Variants in SLC30A8 observed in about 807,000 individuals in gnomAD.
SLC30A8 encodes the protein proton-coupled zinc antiporter SLC30A8.
A neutral mutation model predicts 36.9 loss-of-function variants in SLC30A8; 27 were observed. That is an observed-to-expected ratio of 0.73 (90% CI 0.54 to 1.01). SLC30A8 has a LOEUF of 1.01. Among genes scored for constraint, SLC30A8 ranks in the 50% least tolerant of loss-of-function variants. The pLI is 0.00. For synonymous variants in SLC30A8, 164 were observed against 172.4 expected (o/e 0.95, Z 0.38); for missense variants, 439 against 452.0 (o/e 0.97, Z 0.26).
chr8:117,006,126 GC>G (rs1247176556), intron 1 of SLC30A8, among the ~76,000 whole-genome samples: 1 of 152,214 alleles, frequency 6.6e-6, no homozygotes, highest in African/African-American at 2.4e-5. Flanking sequence ...CTCCACTTAA[GC>G]TACCTTATAT....
chr8:116,976,826 T>TCTTTTCTTTTCTTTTCTTTTC (rs200479091), intron 1 of SLC30A8, among the ~76,000 whole-genome samples: 30 of 142,024 alleles, frequency 2.1e-4, no homozygotes, highest in African/African-American at 8.3e-4. Context: ...TTCTTTCTTT[T>TCTTTTCTTTTCTTTTCTTTTC]TTTTTTTTTT....
At chr8:117,144,583 ATTAG>A (rs555633990) in intron 1 of SLC30A8, among the ~76,000 whole-genome samples, 179 of 152,334 alleles carry the variant, frequency 1.2e-3, no homozygotes, top group Non-Finnish European at 2.0e-3. Flanking sequence ...ATTTAAAAAT[ATTAG>A]TTAATTATGC....
upstream of SLC30A8, chr8:117,134,961 C>G (rs1408642449): frequency 5.9e-6 from 1 of 168,108 alleles, no homozygotes; most frequent in Non-Finnish European, 1.3e-5. Flanking sequence ...ACGTGTGCTC[C>G]GAAGGTCAAA....
In SLC30A8 at chr8:117,121,611, A is replaced by G. The variant is rs145867418; in HGVS notation, c.-225-13669A>G. Reference sequence around the variant, plus strand: ...TCACCTCCCAAAGATGCCACCTCCTAATACTATCGCATTGGTGATTAGATT... The same window carrying G: ...TCACCTCCCAAAGATGCCACCTCCTGATACTATCGCATTGGTGATTAGATT... On this transcript the variant is annotated intron_variant, in intron 2 of 10. Transcript: ENST00000427715. Among the ~76,000 whole-genome samples the G allele has an allele frequency of 2.6e-3, 391 of 152,042 alleles. 1 individual carries two copies. Among genetic ancestry groups the G allele is most frequent in the Non-Finnish European group, 4.1e-3 (275 of 67,894 alleles).
At chr8:117,103,304 A>ACAAG (rs1296016478) in intron 2 of SLC30A8, among the ~76,000 whole-genome samples, 3 of 152,150 alleles carry the variant, frequency 2.0e-5, no homozygotes, top group Middle Eastern at 3.4e-3. Flanking sequence ...ACCCAGCAAG[A>ACAAG]CAAGCAGAAT....
At chr8:116,979,380 A>C (rs935790204) in intron 1 of SLC30A8, among the ~76,000 whole-genome samples, 1 of 152,198 alleles carries the variant, frequency 6.6e-6, no homozygotes, top group Non-Finnish European at 1.5e-5. Context: ...CATAAAGCAG[A>C]GAAGGGATAG....
chr8:116,994,605 G>T (rs1296191045), intron 1 of SLC30A8, among the ~76,000 whole-genome samples: 1 of 152,106 alleles, frequency 6.6e-6, no homozygotes, highest in Non-Finnish European at 1.5e-5. Context: ...ATTCAAACAG[G>T]AAGTGGCTAC....
At chr8:117,055,962 C>G (rs886479262) in intron 2 of SLC30A8, 4 of 151,872 alleles carry the variant, frequency 2.6e-5, no homozygotes, top group Non-Finnish European at 4.4e-5. Flanking sequence ...ATTCCATGCC[C>G]ATAAATGGTG....
intron 1 of SLC30A8, among the ~76,000 whole-genome samples, chr8:117,021,813 T>C (rs1305778785): frequency 6.6e-6 from 1 of 152,082 alleles, no homozygotes; most frequent in Non-Finnish European, 1.5e-5. Flanking sequence ...ACACACAAGT[T>C]AATCAACAGA....
intron 2 of SLC30A8, among the ~76,000 whole-genome samples, chr8:117,076,331 G>A (rs1818486255): frequency 6.6e-6 from 1 of 152,148 alleles, no homozygotes; most frequent in Non-Finnish European, 1.5e-5. Context: ...TGAAATTGAA[G>A]AGCTAGAGTT....
intron 2 of SLC30A8, among the ~76,000 whole-genome samples, chr8:117,101,325 G>A (rs996854115): frequency 6.6e-6 from 1 of 152,144 alleles, no homozygotes; most frequent in Non-Finnish European, 1.5e-5. Context: ...TTTTGGAGTC[G>A]TTGGACACAC....
Position 117,152,966 on chromosome 8 carries a change from T to C in SLC30A8, c.294T>C (p.Leu98=), listed in dbSNP as rs147356176. The change falls in exon 3 of 8, where the codon CTT becomes CTC. Residue 98 remains leucine (L), a synonymous_variant. Coordinates refer to ENST00000456015, the MANE Select transcript of SLC30A8 (RefSeq NM_173851.3). Reference sequence around the variant, plus strand: ...TAGGTGGGCACATTGCTGGGAGTCTTGCTGTTGTCACAGATGCTGCCCACC... The same window carrying C: ...TAGGTGGGCACATTGCTGGGAGTCTCGCTGTTGTCACAGATGCTGCCCACC... ...EVVGGHIAGS[L]AVVTDAAHLL... 2.7e-4 allele frequency: 443 copies of C among 1,611,890 alleles called. No homozygotes were observed. The African/African-American group carries it at 5.4e-3, about 20-fold the overall frequency.
intron 2 of SLC30A8, among the ~76,000 whole-genome samples, chr8:117,105,274 G>C (rs534640820): frequency 1.3e-5 from 2 of 152,178 alleles, no homozygotes; most frequent in East Asian, 3.9e-4. Context: ...AGCAATCTAA[G>C]ATTTTTCTAT....
intron 1 of SLC30A8, among the ~76,000 whole-genome samples, chr8:116,976,797 T>TC (rs1563730978): frequency 1.2e-3 from 94 of 77,876 alleles, no homozygotes; most frequent in African/African-American, 5.9e-3. Flanking sequence ...TCCCCTTTTA[T>TC]TTTTCTTTCT....
At chr8:117,168,788 A>AGACTC (rs1341196400) in intron 6 of SLC30A8, among the ~76,000 whole-genome samples, 1 of 152,166 alleles carries the variant, frequency 6.6e-6, no homozygotes, top group Non-Finnish European at 1.5e-5. Context: ...TGCAATTCCT[A>AGACTC]GACTCTAGTA....
At chr8:117,151,130 G>A (rs776824197) in intron 2 of SLC30A8, among the ~76,000 whole-genome samples, 75 of 151,942 alleles carry the variant, frequency 4.9e-4, no homozygotes, top group Non-Finnish European at 8.8e-4. Flanking sequence ...CTCTATTTTA[G>A]TCCGTGCTTT....
chr8:117,036,479 A>G (rs1817215903), intron 1 of SLC30A8, among the ~76,000 whole-genome samples: 1 of 152,144 alleles, frequency 6.6e-6, no homozygotes, highest in Admixed American at 6.5e-5. Flanking sequence ...AGAACTACCC[A>G]ATACTGGGTA....
intron 1 of SLC30A8, among the ~76,000 whole-genome samples, chr8:117,145,664 T>C (rs1385031418): frequency 1.3e-5 from 2 of 152,174 alleles, no homozygotes; most frequent in African/African-American, 4.8e-5. Context: ...TCAAGATCCA[T>C]GGATTTTGAC....
chr8:117,047,326 C>T (rs531519926), intron 2 of SLC30A8, among the ~76,000 whole-genome samples: 15 of 152,264 alleles, frequency 9.9e-5, no homozygotes, highest in Non-Finnish European at 1.5e-5. Flanking sequence ...AAGAAATATG[C>T]TTGAGACTAC....
Sources: allele counts gnomAD v4.1 joint callset (sites outside exome capture counted in the v4.1 genomes callset), GRCh38; gene constraint gnomAD v4.1.1; transcripts MANE v1.5; gene names NCBI Gene and HGNC (gene_info 2026-07-23, HGNC 2026-07-21).